POLR2F: variants seen among roughly 807,000 people sequenced by gnomAD.
POLR2F encodes DNA-directed RNA polymerases I, II, and III subunit RPABC2.
Under a neutral mutation model 22.7 loss-of-function variants are expected in POLR2F, and 12 were observed. That is an observed-to-expected ratio of 0.53 (90% confidence interval 0.34 to 0.86). The LOEUF (loss-of-function observed/expected upper bound fraction) is 0.86, where lower values mean the gene tolerates loss of function less well. Among genes scored for constraint, POLR2F ranks in the 40% least tolerant of loss-of-function variants. The pLI is 0.02. For missense variants in POLR2F, 126 were observed against 171.5 expected, an observed-to-expected ratio of 0.73 and a Z score of 1.48; for synonymous variants, 57 against 66.0, an observed-to-expected ratio of 0.86 and a Z score of 0.66.
At chr22:38,030,686 T>C (rs1327298247), downstream of POLR2F, among the ~76,000 whole-genome samples, 2 of 152,194 alleles carry the variant, frequency 1.3e-5, no homozygotes, top group Non-Finnish European at 2.9e-5. Context: ...CAGCTGCTTA[T>C]GCACTGGGTG....
chr22:37,966,076 A>G (rs1349232662), intron 3 of POLR2F, among the ~76,000 whole-genome samples: 1 of 152,202 alleles, frequency 6.6e-6, no homozygotes, highest in Non-Finnish European at 1.5e-5. Flanking sequence ...TTTCCAAACA[A>G]GTAGTTACAG....
intron 2 of POLR2F, 186 bp downstream of exon 2, chr22:37,957,028 G>A: frequency 1.6e-6 from 1 of 622,662 alleles, no homozygotes; most frequent in Non-Finnish European, 2.9e-6. Flanking sequence ...GGGCCTGAAA[G>A]CTTTTGTCCA....
At chr22:38,026,333 G>C (rs183489482) in exon 3 of POLR2F, 143 of 528,196 alleles carry the variant, frequency 2.7e-4, no homozygotes, top group African/African-American at 2.6e-3. Flanking sequence ...GAGGCCAGCA[G>C]ACCCAGGACC....
intron 1 of POLR2F, among the ~76,000 whole-genome samples, chr22:37,996,646 A>G (rs1416375938): frequency 6.6e-6 from 1 of 152,184 alleles, no homozygotes; most frequent in Non-Finnish European, 1.5e-5. Context: ...AACAGGAGGA[A>G]GAGCCCTGGG....
chr22:38,026,317 A>T (rs1356451447), exon 3 of POLR2F: 1 of 532,064 alleles, frequency 1.9e-6, no homozygotes, highest in Non-Finnish European at 3.9e-6. Context: ...GTGAGAACAG[A>T]TGAAAGAGGC....
At chr22:37,996,458 A>G (rs894759514) in intron 1 of POLR2F, among the ~76,000 whole-genome samples, 1 of 152,224 alleles carries the variant, frequency 6.6e-6, no homozygotes, top group African/African-American at 2.4e-5. Context: ...GTTCTGGGCA[A>G]ATCCCTTCCT....
chr22:38,024,684 G>A (rs1028877553), intron 1 of POLR2F, among the ~76,000 whole-genome samples: 3 of 152,070 alleles, frequency 2.0e-5, no homozygotes, highest in Admixed American at 2.0e-4. Context: ...ATGCAGGTGC[G>A]GAGGGTCAAG....
At position 37,953,870 on chromosome 22, in the gene POLR2F, G is replaced by C. The variant is rs766083678; in HGVS notation, c.20+63G>C. On this transcript the variant is annotated intron_variant, in intron 1 of 4. Coordinates refer to ENST00000442738, the MANE Select transcript of POLR2F (RefSeq NM_021974.5). ...GGAAGGGGCGGATGAGGCAAGGCTT[G>C]GGTCGGCTGAGGAGCCTGGCGTCTA... 5.1e-6 allele frequency: 8 copies of C among 1,573,378 alleles called. No individual in the cohort carries two copies. The African/African-American group carries it at 6.7e-5, about 13-fold the overall frequency.
intron 2 of POLR2F, 105 bp downstream of exon 2, chr22:37,956,947 C>T (rs982054669): frequency 1.1e-6 from 1 of 884,256 alleles, no homozygotes; most frequent in South Asian, 1.4e-5. Context: ...TGGTCAAGGC[C>T]CCTGCCATAA....
At chr22:37,983,411 T>C, upstream of POLR2F, 1 of 1,611,060 alleles carries the variant, frequency 6.2e-7, no homozygotes, top group Admixed American at 1.7e-5. This position sits in a 1 kb window ranked among gnomAD's most constrained non-coding sequence, Gnocchi z 9.5. Flanking sequence ...GTGCGGGTAC[T>C]GGTCCGCGAG....
At chr22:38,040,855 T>C (rs959305865) in intron 5 of POLR2F, 27 of 675,706 alleles carry the variant, frequency 4.0e-5, no homozygotes, top group Non-Finnish European at 6.5e-5. Flanking sequence ...CGCTCTGTAA[T>C]GGCAGCTTTT....
intron 1 of POLR2F, chr22:38,025,823 T>C (rs1184325231): frequency 8.5e-6 from 12 of 1,407,228 alleles, no homozygotes; most frequent in Admixed American, 3.4e-5. Flanking sequence ...CAGCATGGTG[T>C]TTCCTATGTA....
At chr22:38,005,656 C>T (rs551423736) in intron 1 of POLR2F, among the ~76,000 whole-genome samples, 1 of 152,274 alleles carries the variant, frequency 6.6e-6, no homozygotes, top group South Asian at 2.1e-4. Flanking sequence ...GAGGGATTGT[C>T]AGGCAAAATA....
chr22:37,977,767 G>T, intron 4 of POLR2F: 2 of 1,322,336 alleles, frequency 1.5e-6, no homozygotes, highest in Non-Finnish European at 2.1e-6. Flanking sequence ...GCACAGCCTG[G>T]CACGCTCTCC....
At chr22:37,990,537 TGTGCAGG>T (rs1450107604) in intron 1 of POLR2F, among the ~76,000 whole-genome samples, 2 of 152,388 alleles carry the variant, frequency 1.3e-5, no homozygotes, top group South Asian at 4.1e-4. Flanking sequence ...ATGTGTCCTC[TGTGCAGG>T]GCACTGGGCC....
chr22:38,026,296 A>G (rs781556685), exon 3 of POLR2F: 1 of 532,930 alleles, frequency 1.9e-6, no homozygotes, highest in South Asian at 1.4e-5. Context: ...GCTTGACCCA[A>G]GCATGGACAA....
rs1018066234 is a variant in POLR2F at position 38,008,873 on chromosome 22, G to A, written c.121-16996G>A. Among the ~76,000 whole-genome samples, 346 of 150,366 alleles carry A rather than the reference G, an allele frequency of 2.3e-3. 1 individual carries two copies. The highest frequency in any genetic ancestry group is 0.014 in the Middle Eastern group (4 of 290). ...ATGCTGTCTCAAAAAAAAAAAAAAA[G>A]AAAGAAAAGAAAAAAAGCAGTGCAT... On this transcript the variant is annotated intron_variant, in intron 1 of 2. Transcript: ENST00000333418.
At chr22:37,982,838 A>T (rs1352512728), upstream of POLR2F, among the ~76,000 whole-genome samples, 1 of 152,188 alleles carries the variant, frequency 6.6e-6, no homozygotes, top group East Asian at 1.9e-4. Context: ...CCGCAGCAGC[A>T]GATTTGTCCC....
chr22:37,973,184 G>C (rs1932110114), downstream of POLR2F: 2 of 347,668 alleles, frequency 5.8e-6, no homozygotes, highest in Admixed American at 8.6e-5. Context: ...GGGTGAGCAG[G>C]CCCTTCTCAG....
Sources: gnomAD v4.1 joint callset for allele counts (sites outside exome capture counted in the v4.1 genomes callset) on GRCh38, gnomAD v4.1.1 for gene constraint, Gnocchi (gnomAD v3.1) non-coding constraint, MANE v1.5 for transcripts, NCBI Gene and HGNC (gene_info 2026-07-23, HGNC 2026-07-21) for gene names.